Variants in TAMM41 observed in about 807,000 individuals in gnomAD.
TAMM41 encodes the protein TAM41 mitochondrial translocator assembly and maintenance homolog.
Under a neutral mutation model 44.1 loss-of-function variants are expected in TAMM41, and 36 were observed. The observed-to-expected ratio is 0.82, with a 90% CI of 0.63 to 1.08. The LOEUF is 1.08. Ranked by LOEUF, TAMM41 falls within the 50% of genes least tolerant of loss-of-function variation. TAMM41 has a pLI of 0.00. For synonymous variants in TAMM41, 164 were observed against 153.1 expected (o/e 1.07, Z -0.53); for missense variants, 417 against 404.3 (o/e 1.03, Z -0.27).
chr3:11,836,208 C>G (rs774599509), intron 3 of TAMM41, among the ~76,000 whole-genome samples: 8 of 152,246 alleles, frequency 5.3e-5, no homozygotes, highest in Non-Finnish European at 8.8e-5. Context: ...CCAGGCTGTT[C>G]TCGAACTCTT....
intron 4 of TAMM41, among the ~76,000 whole-genome samples, chr3:11,820,040 A>G (rs1484771958): frequency 6.6e-6 from 1 of 152,096 alleles, no homozygotes; most frequent in Non-Finnish European, 1.5e-5. Context: ...ATTTCCCCCC[A>G]TTTCCCTCAC....
At chr3:11,825,943 G>T (rs950234090) in intron 4 of TAMM41, among the ~76,000 whole-genome samples, 1 of 152,166 alleles carries the variant, frequency 6.6e-6, no homozygotes, top group Non-Finnish European at 1.5e-5. Flanking sequence ...TTGTCAATAT[G>T]TAACAAGTTT....
the TAMM41 span, among the ~76,000 whole-genome samples, chr3:11,729,960 G>A: frequency 6.6e-6 from 1 of 152,212 alleles, no homozygotes; most frequent in South Asian, 2.1e-4. Context: ...GGGGCTCAGA[G>A]AGGGTAGGAC....
At chr3:11,815,184 C>G (rs1237086310) in intron 5 of TAMM41, among the ~76,000 whole-genome samples, 1 of 152,088 alleles carries the variant, frequency 6.6e-6, no homozygotes, top group Admixed American at 6.5e-5. Flanking sequence ...ACAAACTTCA[C>G]TAATATCAGA....
the TAMM41 span, among the ~76,000 whole-genome samples, chr3:11,775,498 GT>G: frequency 5.3e-5 from 8 of 152,162 alleles, no homozygotes; most frequent in Non-Finnish European, 1.2e-4. Context: ...TGTGCAAATG[GT>G]TATAGATTTA....
intron 4 of TAMM41, among the ~76,000 whole-genome samples, chr3:11,825,557 C>T (rs2078714489): frequency 6.6e-6 from 1 of 152,180 alleles, no homozygotes; most frequent in Non-Finnish European, 1.5e-5. Context: ...AGAGCTGGCA[C>T]TGAATGCTAA....
chr3:11,818,123 A>C (rs2078356925), intron 4 of TAMM41, among the ~76,000 whole-genome samples: 1 of 152,222 alleles, frequency 6.6e-6, no homozygotes, highest in Admixed American at 6.5e-5. Flanking sequence ...ACACACGCAG[A>C]ACCTTCTGAG....
chr3:11,753,025 C>T, the TAMM41 span, among the ~76,000 whole-genome samples: 1 of 151,962 alleles, frequency 6.6e-6, no homozygotes, highest in Non-Finnish European at 1.5e-5. Context: ...CGAAGGGGTT[C>T]AGATAGTGCT....
At chr3:11,758,505 C>T in the TAMM41 span, among the ~76,000 whole-genome samples, 1 of 151,834 alleles carries the variant, frequency 6.6e-6, no homozygotes, top group Non-Finnish European at 1.5e-5. Context: ...GCACGTGCCA[C>T]CATGCCCAGC....
chr3:11,793,283 A>G (rs1484691744), intron 7 of TAMM41, among the ~76,000 whole-genome samples: 2 of 152,182 alleles, frequency 1.3e-5, no homozygotes, highest in Non-Finnish European at 2.9e-5. Flanking sequence ...TTCCTCAGTC[A>G]TGAGGAAAAT....
At chr3:11,834,634 A>G (rs1160903983) in intron 3 of TAMM41, among the ~76,000 whole-genome samples, 2 of 152,180 alleles carry the variant, frequency 1.3e-5, no homozygotes, top group African/African-American at 2.4e-5. Flanking sequence ...GTATGATAAA[A>G]ATTTAATTTA....
chr3:11,733,864 C>G, the TAMM41 span, among the ~76,000 whole-genome samples: 4,017 of 152,160 alleles, frequency 0.026, 177 homozygotes, highest in African/African-American at 0.092. Flanking sequence ...ACAAATGGCT[C>G]TCCTCCAAGT....
chr3:11,730,333 T>C, the TAMM41 span, among the ~76,000 whole-genome samples: 1 of 146,556 alleles, frequency 6.8e-6, no homozygotes, highest in African/African-American at 2.6e-5. Flanking sequence ...AGGCAGAGAA[T>C]AGCTTGAACC....
chr3:11,760,542 T>TTTTTGTTTTG, the TAMM41 span, among the ~76,000 whole-genome samples: 15,905 of 150,832 alleles, frequency 0.11, 1,102 homozygotes, highest in East Asian at 0.28. Context: ...TAAGTACAAT[T>TTTTTGTTTTG]TTTTGTTTTG....
chr3:11,831,149 T>C (rs1200477401), intron 3 of TAMM41, among the ~76,000 whole-genome samples: 1 of 152,190 alleles, frequency 6.6e-6, no homozygotes, highest in Non-Finnish European at 1.5e-5. Flanking sequence ...GGCAAGAGCT[T>C]CTCTGGGCCA....
chr3:11,799,514 C>A (rs530228141), intron 7 of TAMM41, among the ~76,000 whole-genome samples: 1 of 152,302 alleles, frequency 6.6e-6, no homozygotes, highest in African/African-American at 2.4e-5. Flanking sequence ...CCCACAGAAT[C>A]TGAAGGGGTG....
intron 7 of TAMM41, among the ~76,000 whole-genome samples, chr3:11,803,873 G>A (rs751656020): frequency 1.3e-5 from 2 of 152,196 alleles, no homozygotes; most frequent in African/African-American, 4.8e-5. Context: ...TTAAGTGGGA[G>A]CTAAACAATG....
intron 7 of TAMM41, chr3:11,807,051 A>G (rs1281747744): frequency 3.9e-6 from 2 of 514,428 alleles, no homozygotes; most frequent in Non-Finnish European, 5.0e-6. Flanking sequence ...TGTGCCTTCC[A>G]TGTTCCCCTT....
chr3:11,739,534 C>T, the TAMM41 span, among the ~76,000 whole-genome samples: 6 of 151,868 alleles, frequency 4.0e-5, no homozygotes, highest in South Asian at 1.0e-3. Flanking sequence ...GGGCTGGGTG[C>T]GGTGGCTCAC....
Sources: gnomAD v4.1 joint callset for allele counts (sites outside exome capture counted in the v4.1 genomes callset) on GRCh38, gnomAD v4.1.1 for gene constraint, MANE v1.5 for transcripts, NCBI Gene and HGNC (gene_info 2026-07-23, HGNC 2026-07-21) for gene names.